LIMCH1: variants seen among roughly 807,000 people sequenced by gnomAD.
LIMCH1 encodes LIM and calponin homology domains-containing protein 1.
A neutral mutation model predicts 176.5 loss-of-function variants in LIMCH1; 113 were observed. The observed-to-expected ratio is 0.64, with a 90% CI of 0.55 to 0.75. The LOEUF is 0.75. Ranked by LOEUF, LIMCH1 falls within the 30% of genes least tolerant of loss-of-function variation. The pLI, the probability that LIMCH1 is intolerant of heterozygous loss-of-function variation, is 0.00. For synonymous variants in LIMCH1, 619 were observed against 645.9 expected, an observed-to-expected ratio of 0.96 and a Z score of 0.63; for missense variants, 1,674 against 1,814.9, an observed-to-expected ratio of 0.92 and a Z score of 1.41.
At chr4:41,680,191 G>A (rs1389061165) in intron 24 of LIMCH1, 93 bp downstream of exon 24, 5 of 819,016 alleles carry the variant, frequency 6.1e-6, no homozygotes, top group Non-Finnish European at 1.0e-5. Context: ...GGATGCATGT[G>A]GCTGTGTCTG....
At chr4:41,558,339 G>T (rs1021364760) in intron 1 of LIMCH1, among the ~76,000 whole-genome samples, 4 of 152,152 alleles carry the variant, frequency 2.6e-5, no homozygotes, top group African/African-American at 9.7e-5. Flanking sequence ...CCAAAAAGGG[G>T]CGGTGTATAG....
chr4:41,491,404 C>T (rs2070958024), intron 1 of LIMCH1, among the ~76,000 whole-genome samples: 1 of 146,880 alleles, frequency 6.8e-6, no homozygotes, highest in African/African-American at 2.5e-5. Flanking sequence ...CAGAGGCGCT[C>T]CCCACCTCCC....
intron 1 of LIMCH1, among the ~76,000 whole-genome samples, chr4:41,593,282 CAG>C (rs2152728224): frequency 6.6e-6 from 1 of 152,348 alleles, no homozygotes; most frequent in African/African-American, 2.4e-5. Flanking sequence ...GTTACATAAA[CAG>C]TGGTATAAAT....
intron 1 of LIMCH1, among the ~76,000 whole-genome samples, chr4:41,546,952 A>C (rs1432777283): frequency 1.3e-5 from 2 of 152,186 alleles, no homozygotes; most frequent in African/African-American, 4.8e-5. Context: ...AGAGTCAAAG[A>C]TTTGCAAATG....
chr4:41,375,513 ATAAAT>A (rs1473165682), intron 1 of LIMCH1, among the ~76,000 whole-genome samples: 1 of 152,270 alleles, frequency 6.6e-6, no homozygotes, highest in Non-Finnish European at 1.5e-5. Flanking sequence ...AAAAAATGTT[ATAAAT>A]TAAAGTATCC....
At chr4:41,692,440 A>G in intron 31 of LIMCH1, 56 bp downstream of exon 31, 1 of 1,091,462 alleles carries the variant, frequency 9.2e-7, no homozygotes, top group Non-Finnish European at 1.4e-6. Flanking sequence ...TGTCTTCCAT[A>G]GGACCCAATT....
intron 3 of LIMCH1, among the ~76,000 whole-genome samples, chr4:41,528,849 G>T (rs916029215): frequency 2.6e-5 from 4 of 152,184 alleles, no homozygotes; most frequent in Admixed American, 1.3e-4. Context: ...GCATGAATAG[G>T]TGTATTTTAG....
rs1172621237 is a variant in LIMCH1 at position 41,682,669 on chromosome 4, C to T, written c.3845+209C>T. ...GAATATAAATAGCCTTATTTTTTTT[C>T]TTCTTCTTCTTTTTTTTTTTTTTGC... On this transcript the variant is annotated intron_variant, in intron 26 of 31. Coordinates refer to ENST00000503057, the MANE Select transcript of LIMCH1 (RefSeq NM_001330672.2). Among the ~76,000 whole-genome samples the T allele has an allele frequency of 8.0e-5, 11 of 138,198 alleles. No individual in the cohort carries two copies. In the East Asian group the frequency reaches 1.4e-3, roughly 17 times the overall value. 90.7% of individuals were successfully genotyped at this position (138,198 alleles called of 152,430 possible).
At chr4:41,463,259 A>C (rs969130453) in intron 1 of LIMCH1, among the ~76,000 whole-genome samples, 3 of 151,902 alleles carry the variant, frequency 2.0e-5, no homozygotes, top group Admixed American at 6.6e-5. Context: ...TCTAGACATG[A>C]TTGGCTTCCT....
intron 1 of LIMCH1, among the ~76,000 whole-genome samples, chr4:41,362,134 T>C (rs1388607945): frequency 6.6e-6 from 1 of 152,220 alleles, no homozygotes; most frequent in African/African-American, 2.4e-5. Flanking sequence ...CCTCACTTAA[T>C]GCTGCTCTCC....
chr4:41,618,896 A>G (rs998112899), intron 5 of LIMCH1, among the ~76,000 whole-genome samples: 6 of 152,210 alleles, frequency 3.9e-5, no homozygotes, highest in Non-Finnish European at 7.3e-5. Context: ...CAGGAGGCAT[A>G]AAATCCTATT....
In LIMCH1 at chr4:41,685,759, T is replaced by A. The variant is rs758479261; in HGVS notation, c.4017T>A (p.Asp1339Glu). ...QTSNPTHSSE[D>E]VKPKTLPLDK... Reference sequence around the variant, plus strand: ...CAAATCCAACGCACAGTTCAGAAGATGTGAAGCCAAAAACCCTCCCGCTGG... The same window carrying A: ...CAAATCCAACGCACAGTTCAGAAGAAGTGAAGCCAAAAACCCTCCCGCTGG... The change falls in exon 28 of 32, where the codon GAT becomes GAA. Residue 1339 changes from aspartate (D) to glutamate (E), a missense_variant. Asp to Glu is a conservative substitution (Grantham distance 45). Coordinates refer to ENST00000503057, the MANE Select transcript of LIMCH1 (RefSeq NM_001330672.2). 1 of 1,613,704 alleles carries A rather than the reference T, an allele frequency of 6.2e-7. No individual in the cohort carries two copies. Among genetic ancestry groups the A allele is most frequent in the Non-Finnish European group, 8.5e-7 (1 of 1,179,730 alleles).
intron 1 of LIMCH1, among the ~76,000 whole-genome samples, chr4:41,425,660 T>C (rs2061013876): frequency 6.6e-6 from 1 of 152,228 alleles, no homozygotes; most frequent in Non-Finnish European, 1.5e-5. Context: ...CTGGGTGGTC[T>C]CTTTCTTACC....
At chr4:41,390,239 G>GGAGAGAGAGAGAGAGAGAGAGA (rs34011822) in intron 1 of LIMCH1, among the ~76,000 whole-genome samples, 1 of 138,354 alleles carries the variant, frequency 7.2e-6, no homozygotes, top group African/African-American at 2.6e-5. Context: ...TCTCTCTCAG[G>GGAGAGAGAGAGAGAGAGAGAGA]GAGAGAGAGA....
At chr4:41,416,812 C>T (rs1180021022) in intron 1 of LIMCH1, among the ~76,000 whole-genome samples, 1 of 152,138 alleles carries the variant, frequency 6.6e-6, no homozygotes, top group East Asian at 1.9e-4. Context: ...TCTAGGCAAA[C>T]CTATCCCCAA....
At chr4:41,501,242 G>C (rs1285326071) in intron 2 of LIMCH1, among the ~76,000 whole-genome samples, 1 of 152,164 alleles carries the variant, frequency 6.6e-6, no homozygotes, top group Admixed American at 6.5e-5. Context: ...TGAAAGCATA[G>C]ATATATGTGG....
intron 28 of LIMCH1, among the ~76,000 whole-genome samples, chr4:41,686,613 C>G (rs1720975846): frequency 6.6e-6 from 1 of 152,200 alleles, no homozygotes; most frequent in Admixed American, 6.5e-5. Flanking sequence ...TTTGACTCAG[C>G]CACTTGCCTA....
intron 10 of LIMCH1, among the ~76,000 whole-genome samples, chr4:41,631,793 T>C (rs1016882402): frequency 1.3e-5 from 2 of 152,236 alleles, no homozygotes; most frequent in South Asian, 2.1e-4. Flanking sequence ...CTAAATGGAA[T>C]GTTTTAATGA....
Position 41,646,795 on chromosome 4 carries a change from T to G in LIMCH1, c.2722T>G (p.Ser908Ala), listed in dbSNP as rs765069134. 1 of 1,614,006 alleles carries G rather than the reference T, an allele frequency of 6.2e-7. No homozygotes were observed. The highest frequency in any genetic ancestry group is 1.7e-5 in the Admixed American group (1 of 60,002). ...LDTSMSAGSG[S>A]PSKTVTPKAV... ...TACCAGCATGTCAGCAGGCAGTGGG[T>G]CTCCAAGCAAAACTGTCACTCCCAA... Residue 908 changes from serine (S) to alanine (A), a missense_variant, in exon 17 of 32, where the codon TCT becomes GCT. By Grantham distance (99) the Ser-to-Ala change is moderately conservative. Transcript: ENST00000503057.
Sources: gnomAD v4.1 joint callset for allele counts (sites outside exome capture counted in the v4.1 genomes callset) on GRCh38, gnomAD v4.1.1 for gene constraint, MANE v1.5 for transcripts, NCBI Gene and HGNC (gene_info 2026-07-23, HGNC 2026-07-21) for gene names.